The following RPSA2 variants were observed in gnomAD, a reference collection of about 807,000 sequenced individuals.
RPSA2 encodes small ribosomal subunit protein uS2B.
chr19:23,818,171 A>C, the RPSA2 span: 1 of 152,176 alleles, frequency 6.6e-6, no homozygotes, highest in Non-Finnish European at 1.5e-5. Flanking sequence ...GCTGATATTT[A>C]GTTAGGGTCA....
At chr19:23,852,893 G>A in the RPSA2 span, among the ~76,000 whole-genome samples, 2 of 152,314 alleles carry the variant, frequency 1.3e-5, no homozygotes, top group South Asian at 4.1e-4. Flanking sequence ...TCCTAAATAT[G>A]GAACAGGAGG....
At chr19:23,769,936 C>G in the RPSA2 span, among the ~76,000 whole-genome samples, 4 of 152,168 alleles carry the variant, frequency 2.6e-5, no homozygotes, top group African/African-American at 9.7e-5. Flanking sequence ...GGTGATGTGA[C>G]ACTCCTCTTC....
the RPSA2 span, among the ~76,000 whole-genome samples, chr19:23,762,676 C>CA: frequency 8.2e-3 from 1,066 of 130,074 alleles, 33 homozygotes; most frequent in African/African-American, 0.017. Context: ...AACTCGGTCT[C>CA]AAAAAAAAAA....
the RPSA2 span, among the ~76,000 whole-genome samples, chr19:23,867,317 G>A: frequency 2.0e-5 from 3 of 152,190 alleles, no homozygotes; most frequent in South Asian, 2.1e-4. Flanking sequence ...GTCTTGGTCC[G>A]GATGGACAAT....
the RPSA2 span, among the ~76,000 whole-genome samples, chr19:23,825,062 C>T: frequency 6.6e-6 from 1 of 151,964 alleles, no homozygotes; most frequent in African/African-American, 2.4e-5. Flanking sequence ...TCATGGCAAA[C>T]TCTGTCTCCT....
chr19:23,806,009 A>G, the RPSA2 span, among the ~76,000 whole-genome samples: 17 of 142,032 alleles, frequency 1.2e-4, no homozygotes, highest in South Asian at 4.5e-4. Context: ...CTGTCTATCT[A>G]TCTATCTATC....
At chr19:23,859,381 C>A in the RPSA2 span, among the ~76,000 whole-genome samples, 3 of 152,116 alleles carry the variant, frequency 2.0e-5, no homozygotes, top group Non-Finnish European at 1.5e-5. Context: ...GTAATCCCAG[C>A]AGTTTGGGAG....
the RPSA2 span, among the ~76,000 whole-genome samples, chr19:23,805,749 T>A: frequency 6.6e-6 from 1 of 152,178 alleles, no homozygotes; most frequent in Non-Finnish European, 1.5e-5. Flanking sequence ...TGCCATGTGC[T>A]TAGTATGTGC....
chr19:23,779,613 C>T, the RPSA2 span, among the ~76,000 whole-genome samples: 2 of 152,178 alleles, frequency 1.3e-5, no homozygotes, highest in African/African-American at 2.4e-5. Flanking sequence ...GAAACCAGAA[C>T]TTAGGTGATG....
chr19:23,862,963 G>A, the RPSA2 span, among the ~76,000 whole-genome samples: 2 of 150,782 alleles, frequency 1.3e-5, no homozygotes, highest in South Asian at 2.1e-4. Flanking sequence ...GAGTGCAATG[G>A]CACAAACTTG....
At chr19:23,819,920 C>T in the RPSA2 span, among the ~76,000 whole-genome samples, 1 of 152,186 alleles carries the variant, frequency 6.6e-6, no homozygotes. Context: ...AGTTCTTGAA[C>T]TATCTTGGCT....
At chr19:23,868,600 G>T in the RPSA2 span, among the ~76,000 whole-genome samples, 1 of 152,240 alleles carries the variant, frequency 6.6e-6, no homozygotes, top group East Asian at 1.9e-4. Flanking sequence ...CTCCTTGTAT[G>T]AATGGTAAGA....
At chr19:23,854,700 C>A in the RPSA2 span, among the ~76,000 whole-genome samples, 5 of 152,182 alleles carry the variant, frequency 3.3e-5, no homozygotes, top group African/African-American at 4.8e-5. Flanking sequence ...AAGTTTTTAA[C>A]AATGCAATTT....
chr19:23,773,807 CAGG>C, the RPSA2 span, among the ~76,000 whole-genome samples: 7 of 152,284 alleles, frequency 4.6e-5, no homozygotes, highest in African/African-American at 1.7e-4. Context: ...ACAAAGTCCA[CAGG>C]AGGAGTATAG....
At chr19:23,769,676 G>A in the RPSA2 span, among the ~76,000 whole-genome samples, 1 of 152,048 alleles carries the variant, frequency 6.6e-6, no homozygotes, top group Non-Finnish European at 1.5e-5. Context: ...CCTCTTCTTG[G>A]GATATTGTGA....
At chr19:23,864,509 C>A in the RPSA2 span, among the ~76,000 whole-genome samples, 10 of 152,024 alleles carry the variant, frequency 6.6e-5, no homozygotes, top group African/African-American at 9.7e-5. Context: ...TGCAAATACA[C>A]AAATATTTAA....
chr19:23,829,248 T>C, the RPSA2 span, among the ~76,000 whole-genome samples: 2 of 152,222 alleles, frequency 1.3e-5, no homozygotes, highest in Non-Finnish European at 2.9e-5. Context: ...TGTCTTATTC[T>C]CTTTCCATCT....
the RPSA2 span, chr19:23,763,148 G>T: frequency 3.1e-4 from 48 of 156,364 alleles, no homozygotes; most frequent in East Asian, 6.6e-3. Flanking sequence ...AGTGTGCGGG[G>T]TTGGGCAACC....
the RPSA2 span, among the ~76,000 whole-genome samples, chr19:23,771,284 CA>C: frequency 6.6e-6 from 1 of 152,146 alleles, no homozygotes; most frequent in African/African-American, 2.4e-5. Context: ...TAATTCAGTC[CA>C]TAGAGAGGTC....
Sources: gnomAD v4.1 joint callset for allele counts (sites outside exome capture counted in the v4.1 genomes callset) on GRCh38, gnomAD v4.1.1 for gene constraint, MANE v1.5 for transcripts, NCBI Gene and HGNC (gene_info 2026-07-23, HGNC 2026-07-21) for gene names.